RPL9: variants seen among roughly 807,000 people sequenced by gnomAD.
The protein encoded by RPL9 is ribosomal protein L9.
For synonymous variants in RPL9, 82 were observed against 77.1 expected (o/e 1.06, Z -0.33); for missense variants, 149 against 236.7 (o/e 0.63, Z 2.43).
intron 1 of RPL9, 60 bp from the exon 2 acceptor site, chr4:39,458,500 C>T (rs1744224957): frequency 2.6e-6 from 4 of 1,557,738 alleles, no homozygotes; most frequent in Non-Finnish European, 3.5e-6. Flanking sequence ...CCAAACTACG[C>T]CGCACAGAGC....
At chr4:39,457,192 T>C (rs1366154023) in intron 4 of RPL9, 1 of 166,080 alleles carries the variant, frequency 6.0e-6, no homozygotes, top group Non-Finnish European at 1.3e-5. Flanking sequence ...TCTTAAAGAA[T>C]TCGGAAGGTA....
At chr4:39,458,526 G>A (rs1335697818) in intron 1 of RPL9, 86 bp from the exon 2 acceptor site, 4 of 1,424,742 alleles carry the variant, frequency 2.8e-6, no homozygotes, top group Non-Finnish European at 3.9e-6. Context: ...TCCTACTGGA[G>A]ACTGCCAGGC....
chr4:39,454,496 G>C (rs370969641), intron 7 of RPL9, 37 bp downstream of exon 7: 485 of 1,434,132 alleles, frequency 3.4e-4, no homozygotes, highest in Middle Eastern at 9.9e-4. Flanking sequence ...CATTCAACTA[G>C]AGCAGTAATA....
At chr4:39,455,459 G>C (rs544374307) in intron 5 of RPL9, among the ~76,000 whole-genome samples, 1 of 152,212 alleles carries the variant, frequency 6.6e-6, no homozygotes, top group South Asian at 2.1e-4. Flanking sequence ...AGAGGCCAAG[G>C]GGGAAGAACT....
At chr4:39,456,246 C>T in intron 5 of RPL9, 160 bp downstream of exon 5, 2 of 707,958 alleles carry the variant, frequency 2.8e-6, no homozygotes, top group South Asian at 3.2e-5. Flanking sequence ...GTAGCACCAA[C>T]AGTTTAAGTG....
At chr4:39,455,032 T>C in intron 5 of RPL9, 88 bp from the exon 6 acceptor site, 1 of 1,282,506 alleles carries the variant, frequency 7.8e-7, no homozygotes, top group Non-Finnish European at 1.1e-6. Flanking sequence ...CATGTAAAAC[T>C]CCATGCACCA....
chr4:39,457,774 A>AACCC, intron 3 of RPL9, 93 bp from the exon 4 acceptor site: 3 of 1,064,822 alleles, frequency 2.8e-6, no homozygotes, highest in Non-Finnish European at 4.3e-6. Context: ...TTCTAGAATT[A>AACCC]ACCCTTATCA....
rs547012845 is a variant in RPL9, at chr4:39,454,811, C to T, written c.472+53G>A. On this transcript the variant is annotated intron_variant, in intron 6 of 7. Coordinates refer to ENST00000295955, the MANE Select transcript of RPL9 (RefSeq NM_000661.5). Reference sequence around the variant, plus strand: ...AATTAGCAAAATACTGTATTTTAAACAAGATTTAGACAAAATCTTGTAGGC... The same window carrying T: ...AATTAGCAAAATACTGTATTTTAAATAAGATTTAGACAAAATCTTGTAGGC... 34 of 1,574,794 alleles carry T rather than the reference C, an allele frequency of 2.2e-5. No homozygotes were observed. In the African/African-American group the frequency reaches 3.9e-4, roughly 18 times the overall value.
chr4:39,457,552 T>C, intron 4 of RPL9, 34 bp downstream of exon 4: 1 of 1,557,998 alleles, frequency 6.4e-7, no homozygotes, highest in African/African-American at 1.4e-5. Flanking sequence ...AAACCTCCCT[T>C]TCCAAAACAA....
intron 5 of RPL9, 162 bp from the exon 6 acceptor site, chr4:39,455,106 T>C (rs1744034791): frequency 7.7e-6 from 5 of 648,614 alleles, no homozygotes; most frequent in East Asian, 6.2e-5. Context: ...TCTCAGCACT[T>C]TGGGAGGCCG....
At chr4:39,457,518 C>A in intron 4 of RPL9, 68 bp downstream of exon 4, 1 of 1,264,956 alleles carries the variant, frequency 7.9e-7, no homozygotes, top group Non-Finnish European at 1.2e-6. Context: ...GAGACACTTA[C>A]GCTGTATAAA....
intron 1 of RPL9, 21 bp downstream of exon 1, chr4:39,458,870 C>T (rs2276890): frequency 2.9e-6 from 2 of 698,720 alleles, no homozygotes; most frequent in African/African-American, 1.7e-5. Context: ...AGTACCCCCA[C>T]GAGCACAGAA....
At chr4:39,457,551 T>A (rs532565850) in intron 4 of RPL9, 35 bp downstream of exon 4, 1 of 1,554,002 alleles carries the variant, frequency 6.4e-7, no homozygotes, top group Non-Finnish European at 8.9e-7. Context: ...GAAACCTCCC[T>A]TTCCAAAACA....
intron 4 of RPL9, 48 bp downstream of exon 4, chr4:39,457,538 T>G: frequency 3.3e-5 from 48 of 1,459,416 alleles, no homozygotes; most frequent in Non-Finnish European, 4.3e-5. Context: ...AGCACAGGTT[T>G]GAGAAACCTC....
rs747611391 is a variant in RPL9, at chr4:39,458,913, A to C, written c.-24T>G. The C allele has an allele frequency of 2.9e-4, 205 of 711,642 alleles. No homozygotes were observed. Among genetic ancestry groups the C allele is most frequent in the Admixed American group, 6.8e-4 (34 of 50,092 alleles). The allele number at this position is 711,642 out of a possible 1,614,324, so 44.1% of individuals were successfully genotyped here. ...TACCTCGCAGTAGACGCAGCAAAGA[A>C]AGAACGTCTGTCGTCATTACGTACT... On this transcript the variant is annotated 5_prime_UTR_variant, in exon 1 of 8. Transcript: ENST00000295955.
chr4:39,455,732 C>A lies in RPL9; in HGVS notation c.391+674G>T, dbSNP rs192348618. 3.1e-3 allele frequency: 485 copies of A among 154,414 alleles called. 8 individuals are homozygous for A. Among genetic ancestry groups the A allele is most frequent in the Non-Finnish European group, 7.4e-4 (52 of 70,012 alleles). The allele number at this position is 154,414 out of a possible 1,614,324, so 9.6% of individuals were successfully genotyped here. On this transcript the variant is annotated intron_variant, in intron 5 of 7. Transcript: ENST00000295955. The stretch of plus-strand genomic sequence containing the variant: ...ATGCAATGAGCTGAGATCACGCCAC[C>A]GTACTCCAGCCTGGGCAACAGAGCA...
chr4:39,458,496 T>G (rs1744224492), intron 1 of RPL9, 56 bp from the exon 2 acceptor site: 2 of 1,577,214 alleles, frequency 1.3e-6, no homozygotes, highest in Non-Finnish European at 1.7e-6. Context: ...TCCACCAAAC[T>G]ACGCCGCACA....
chr4:39,455,172 A>AC (rs1744037149), intron 5 of RPL9: 1 of 395,336 alleles, frequency 2.5e-6, no homozygotes, highest in African/African-American at 2.1e-5. Context: ...ACACTGTGAA[A>AC]CCCATCTCTA....
intron 5 of RPL9, 83 bp downstream of exon 5, chr4:39,456,323 A>G (rs780080278): frequency 6.8e-6 from 10 of 1,463,334 alleles, no homozygotes; most frequent in East Asian, 2.3e-5. Flanking sequence ...ACAGCCAACT[A>G]AAGTATGGAA....
Sources: allele counts gnomAD v4.1 joint callset (sites outside exome capture counted in the v4.1 genomes callset), GRCh38; gene constraint gnomAD v4.1.1; transcripts MANE v1.5; gene names NCBI Gene and HGNC (gene_info 2026-07-23, HGNC 2026-07-21).